The following CLIC4 variants were observed in gnomAD, a reference collection of about 807,000 sequenced individuals.
CLIC4 encodes chloride intracellular channel protein 4.
In CLIC4, 13 loss-of-function variants were observed where a neutral mutation model predicts 24.6. The observed-to-expected ratio is 0.53, with a 90% CI of 0.34 to 0.84. The LOEUF (loss-of-function observed/expected upper bound fraction) is 0.84. Among genes scored for constraint, CLIC4 ranks in the 40% least tolerant of loss-of-function variants. The probability of loss-of-function intolerance (pLI) is 0.01; values close to 1 mark genes in which losing one functional copy is unlikely to be tolerated. For missense variants in CLIC4, 227 were observed against 301.7 expected (o/e 0.75, Z 1.83); for synonymous variants, 104 against 111.3 (o/e 0.93, Z 0.41).
Position 24,781,441 on chromosome 1 carries a change from A to G in CLIC4, c.73-16301A>G, listed in dbSNP as rs942150609. Among the ~76,000 whole-genome samples, 7 of 148,924 alleles carry G rather than the reference A, an allele frequency of 4.7e-5. No homozygotes were observed. The South Asian group carries it at 1.3e-3, about 27-fold the overall frequency. ...ACAGGTGTGAGCCACCGCGTCTGGC[A>G]AGGTAACTGAATTCTTATAGTGAGA... On this transcript the variant is annotated intron_variant, in intron 1 of 5. Transcript: ENST00000374379.
intron 1 of CLIC4, among the ~76,000 whole-genome samples, chr1:24,758,682 TC>T (rs1638883268): frequency 6.6e-6 from 1 of 152,176 alleles, no homozygotes; most frequent in African/African-American, 2.4e-5. Flanking sequence ...GATCTCGAAC[TC>T]CTGACCTCTG....
At chr1:24,809,752 T>A (rs987483979) in intron 2 of CLIC4, among the ~76,000 whole-genome samples, 7 of 152,174 alleles carry the variant, frequency 4.6e-5, no homozygotes, top group African/African-American at 1.7e-4. Flanking sequence ...TGAGCCACCA[T>A]GCCCAGCCAA....
intron 1 of CLIC4, among the ~76,000 whole-genome samples, chr1:24,770,503 TG>T (rs929384174): frequency 6.6e-6 from 1 of 152,206 alleles, no homozygotes; most frequent in Non-Finnish European, 1.5e-5. Flanking sequence ...CCCTTGCTTT[TG>T]GCTCACTTAC....
intron 1 of CLIC4, among the ~76,000 whole-genome samples, chr1:24,774,253 G>C (rs1639105315): frequency 6.6e-6 from 1 of 152,162 alleles, no homozygotes; most frequent in African/African-American, 2.4e-5. Flanking sequence ...TGGGATTACA[G>C]GCGTGAGCCA....
intron 2 of CLIC4, among the ~76,000 whole-genome samples, chr1:24,799,648 G>C (rs1427405901): frequency 7.7e-6 from 1 of 129,966 alleles, no homozygotes; most frequent in East Asian, 2.3e-4. Flanking sequence ...GGAGGGAGGT[G>C]GGGGGGGTCA....
At chr1:24,795,859 C>G (rs531021203) in intron 1 of CLIC4, among the ~76,000 whole-genome samples, 1 of 152,200 alleles carries the variant, frequency 6.6e-6, no homozygotes. Flanking sequence ...TCAGCCACTG[C>G]GCCCAGCCAG....
chr1:24,759,528 A>G (rs1185720577), intron 1 of CLIC4, among the ~76,000 whole-genome samples: 2 of 152,160 alleles, frequency 1.3e-5, no homozygotes, highest in Admixed American at 6.6e-5. Flanking sequence ...AGCTTAAGAA[A>G]TGATTTAAGT....
intron 2 of CLIC4, among the ~76,000 whole-genome samples, chr1:24,809,767 C>T (rs1298902353): frequency 6.6e-6 from 1 of 151,984 alleles, no homozygotes; most frequent in East Asian, 1.9e-4. Context: ...AGCCAATATT[C>T]TTTATTTTAT....
At position 24,829,708 on chromosome 1, in the gene CLIC4, A is replaced by T. The variant is rs539676345; in HGVS notation, c.415+2592A>T. ...CTGAGGCATATTTCATGATGTCCAA[A>T]TTCCTATATTTAGATGGAGGCAAGG... On this transcript the variant is annotated intron_variant, in intron 4 of 5. Coordinates refer to ENST00000374379, the MANE Select transcript of CLIC4 (RefSeq NM_013943.3). Among the ~76,000 whole-genome samples the T allele has an allele frequency of 3.3e-5, 5 of 152,294 alleles. No individual in the cohort carries two copies. In the South Asian group the frequency reaches 1.0e-3, roughly 32 times the overall value.
At chr1:24,778,395 A>G (rs1426699326) in intron 1 of CLIC4, among the ~76,000 whole-genome samples, 1 of 152,318 alleles carries the variant, frequency 6.6e-6, no homozygotes, top group East Asian at 1.9e-4. Flanking sequence ...AAAATACACT[A>G]CTCAATACAT....
rs1214116364 is a variant in CLIC4 at position 24,820,065 on chromosome 1, A to G, written c.308+5846A>G. Among the ~76,000 whole-genome samples, 23 of 23,374 alleles carry G rather than the reference A, an allele frequency of 9.8e-4. 1 individual carries two copies. The highest frequency in any genetic ancestry group is 3.3e-3 in the African/African-American group (21 of 6,424). The allele number at this position is 23,374 out of a possible 152,430, so 15.3% of individuals were successfully genotyped here. A position where few individuals can be genotyped will look rare whatever the true frequency, so the allele number is the denominator to read the frequency against. ...CATACTTCAAAAAAAAAAAAAAAGT[A>G]TGTATATATATATGTATATATATAT... On this transcript the variant is annotated intron_variant, in intron 3 of 5. Coordinates refer to ENST00000374379, the MANE Select transcript of CLIC4 (RefSeq NM_013943.3).
intron 1 of CLIC4, among the ~76,000 whole-genome samples, chr1:24,777,328 G>T (rs989389001): frequency 1.6e-4 from 25 of 152,332 alleles, no homozygotes; most frequent in African/African-American, 5.8e-4. Context: ...GGCGGATCAA[G>T]AGGTCAGGAG....
chr1:24,749,016 C>A (rs1289721350), intron 1 of CLIC4, among the ~76,000 whole-genome samples: 1 of 151,898 alleles, frequency 6.6e-6, no homozygotes. Flanking sequence ...GATGTTGAGA[C>A]CAGCCTGGGC....
intron 4 of CLIC4, among the ~76,000 whole-genome samples, chr1:24,837,492 A>G (rs1639897464): frequency 6.6e-6 from 1 of 152,206 alleles, no homozygotes; most frequent in African/African-American, 2.4e-5. Context: ...ATACTTTCAT[A>G]TACCTTTCCA....
At chr1:24,820,955 G>C (rs1278961662) in intron 3 of CLIC4, among the ~76,000 whole-genome samples, 1 of 152,110 alleles carries the variant, frequency 6.6e-6, no homozygotes, top group African/African-American at 2.4e-5. Flanking sequence ...AGACTGAGGC[G>C]GGTGGATGAC....
intron 1 of CLIC4, among the ~76,000 whole-genome samples, chr1:24,753,775 T>C (rs898204602): frequency 6.6e-6 from 1 of 152,200 alleles, no homozygotes; most frequent in African/African-American, 2.4e-5. Flanking sequence ...TTAATAACTT[T>C]TCAGTGGCAC....
intron 1 of CLIC4, among the ~76,000 whole-genome samples, chr1:24,780,988 A>G (rs533894697): frequency 2.0e-5 from 3 of 151,372 alleles, no homozygotes; most frequent in Admixed American, 6.6e-5. Context: ...TCGGGAGGCT[A>G]AGGCAGGAAA....
At chr1:24,838,079 G>A (rs906912230) in intron 4 of CLIC4, among the ~76,000 whole-genome samples, 7 of 151,928 alleles carry the variant, frequency 4.6e-5, no homozygotes, top group South Asian at 2.1e-4. Flanking sequence ...ACTCATCTCC[G>A]TAGCCCCTAA....
intron 1 of CLIC4, among the ~76,000 whole-genome samples, chr1:24,753,836 G>A (rs774001573): frequency 7.4e-4 from 112 of 152,154 alleles, no homozygotes; most frequent in Non-Finnish European, 1.1e-3. Flanking sequence ...ACAGTTTAAA[G>A]TGGGAATTCT....
Sources: gnomAD v4.1 joint callset for allele counts (sites outside exome capture counted in the v4.1 genomes callset) on GRCh38, gnomAD v4.1.1 for gene constraint, MANE v1.5 for transcripts, NCBI Gene and HGNC (gene_info 2026-07-23, HGNC 2026-07-21) for gene names.